TMEM117: variants seen among roughly 807,000 people sequenced by gnomAD.
TMEM117 encodes the protein transmembrane protein 117.
A neutral mutation model predicts 52.4 loss-of-function variants in TMEM117; 27 were observed. The observed-to-expected ratio is 0.51, with a 90% CI of 0.38 to 0.71. The LOEUF (loss-of-function observed/expected upper bound fraction) is 0.71, where lower values mean the gene tolerates loss of function less well. Ranked by LOEUF, TMEM117 falls within the 30% of genes least tolerant of loss-of-function variation. TMEM117 has a pLI of 0.00. For missense variants in TMEM117, 556 were observed against 630.5 expected, an observed-to-expected ratio of 0.88 and a Z score of 1.26; for synonymous variants, 215 against 206.3, an observed-to-expected ratio of 1.04 and a Z score of -0.36.
At chr12:43,990,865 A>G (rs959555721) in intron 3 of TMEM117, among the ~76,000 whole-genome samples, 5 of 152,230 alleles carry the variant, frequency 3.3e-5, no homozygotes, top group African/African-American at 1.2e-4. Context: ...TCCTTGGAAT[A>G]TATCCCTAAT....
intron 3 of TMEM117, among the ~76,000 whole-genome samples, chr12:43,973,833 A>G (rs1222350146): frequency 2.0e-5 from 3 of 152,332 alleles, no homozygotes; most frequent in Non-Finnish European, 4.4e-5. Flanking sequence ...TTCTTTGACT[A>G]TTCCTAAATC....
chr12:43,800,689 C>T, the TMEM117 span, among the ~76,000 whole-genome samples: 1 of 152,122 alleles, frequency 6.6e-6, no homozygotes, highest in African/African-American at 2.4e-5. Flanking sequence ...TACAAATAAC[C>T]GTCATTAACA....
chr12:44,126,823 A>T (rs1948333195), intron 3 of TMEM117, among the ~76,000 whole-genome samples: 1 of 152,228 alleles, frequency 6.6e-6, no homozygotes, highest in Admixed American at 6.5e-5. Context: ...TTTACCTGTT[A>T]TCTGCAGCTG....
intron 5 of TMEM117, among the ~76,000 whole-genome samples, chr12:44,273,846 A>G (rs1950479424): frequency 6.6e-6 from 1 of 152,176 alleles, no homozygotes; most frequent in Non-Finnish European, 1.5e-5. Context: ...CCATCCAAAC[A>G]GACCCAAAAC....
chr12:44,378,827 A>T (rs1313682468), intron 7 of TMEM117, among the ~76,000 whole-genome samples: 1 of 152,108 alleles, frequency 6.6e-6, no homozygotes, highest in Non-Finnish European at 1.5e-5. Context: ...GAACTTTGGG[A>T]AAGCTCCCCC....
chr12:44,264,781 T>C (rs2138549690), intron 5 of TMEM117, among the ~76,000 whole-genome samples: 1 of 152,268 alleles, frequency 6.6e-6, no homozygotes, highest in Non-Finnish European at 1.5e-5. Flanking sequence ...TGTCATCATT[T>C]ATATGGATGA....
intron 5 of TMEM117, among the ~76,000 whole-genome samples, chr12:44,288,673 T>G (rs886868340): frequency 6.6e-6 from 1 of 152,192 alleles, no homozygotes; most frequent in Admixed American, 6.5e-5. Flanking sequence ...TTTTAATTAC[T>G]TTATTCACAA....
chr12:43,814,058 C>T, the TMEM117 span, among the ~76,000 whole-genome samples: 1 of 152,100 alleles, frequency 6.6e-6, no homozygotes, highest in East Asian at 1.9e-4. Flanking sequence ...TTGAAAAGGA[C>T]ACAGACCTTT....
Position 44,021,835 on chromosome 12 carries a change from C to A in TMEM117, c.410+77493C>A, listed in dbSNP as rs140880837. 7.1e-3 allele frequency among the ~76,000 whole-genome samples: 1,074 copies of A among 152,282 alleles called. 11 individuals carry two copies. The highest frequency in any genetic ancestry group is 0.024 in the African/African-American group (997 of 41,566). ...GAGTAGTGACCACCTGCCACTGTCT[C>A]TGGAAGTACTCTTGCTGGGAGGAAC... is the stretch of plus-strand genomic sequence containing the variant. On this transcript the variant is annotated intron_variant, in intron 3 of 7. Transcript: ENST00000266534.
intron 2 of TMEM117, among the ~76,000 whole-genome samples, chr12:43,889,471 A>T (rs1450196120): frequency 6.6e-6 from 1 of 152,212 alleles, no homozygotes; most frequent in East Asian, 1.9e-4. Flanking sequence ...TAATGCTGCC[A>T]CTGATCTGAC....
chr12:43,893,455 G>A (rs1258864180), intron 2 of TMEM117, among the ~76,000 whole-genome samples: 1 of 152,146 alleles, frequency 6.6e-6, no homozygotes, highest in Non-Finnish European at 1.5e-5. Context: ...TTGAAACCAA[G>A]TTTCAGTCTT....
At chr12:44,076,265 A>G (rs1947380462) in intron 3 of TMEM117, among the ~76,000 whole-genome samples, 1 of 152,214 alleles carries the variant, frequency 6.6e-6, no homozygotes, top group South Asian at 2.1e-4. Flanking sequence ...ATTAAGAACT[A>G]TATTGTATTG....
intron 3 of TMEM117, among the ~76,000 whole-genome samples, chr12:44,043,494 A>G (rs1946833286): frequency 1.3e-5 from 2 of 152,116 alleles, no homozygotes; most frequent in South Asian, 2.1e-4. Context: ...TTTTTGCCAT[A>G]AGGAACAGCT....
intron 6 of TMEM117, among the ~76,000 whole-genome samples, chr12:44,327,714 G>A (rs113262852): frequency 3.9e-5 from 6 of 152,148 alleles, no homozygotes; most frequent in African/African-American, 1.2e-4. Context: ...ATATGAAGCA[G>A]GAGTTCTAGT....
At chr12:43,903,279 A>G (rs989270622) in intron 2 of TMEM117, among the ~76,000 whole-genome samples, 4 of 152,302 alleles carry the variant, frequency 2.6e-5, no homozygotes, top group Admixed American at 1.3e-4. Flanking sequence ...ACTAAGCACT[A>G]CTATTCACTG....
chr12:43,806,148 G>T, the TMEM117 span: 3 of 1,490,136 alleles, frequency 2.0e-6, no homozygotes, highest in Non-Finnish European at 2.7e-6. Flanking sequence ...AGCCCTGCCG[G>T]TCCTGCAGCC....
chr12:43,806,368 C>G, the TMEM117 span: 1 of 1,231,816 alleles, frequency 8.1e-7, no homozygotes, highest in Non-Finnish European at 1.0e-6. Context: ...CCCGCGGCCG[C>G]CCCGCCCCGT....
chr12:44,133,077 T>C (rs1045905490), intron 3 of TMEM117, among the ~76,000 whole-genome samples: 3 of 152,316 alleles, frequency 2.0e-5, no homozygotes, highest in Non-Finnish European at 4.4e-5. Context: ...TGCTATTGGC[T>C]TATGGTAGCA....
chr12:44,335,608 A>G (rs150522462), intron 6 of TMEM117, among the ~76,000 whole-genome samples: 1 of 152,224 alleles, frequency 6.6e-6, no homozygotes, highest in Non-Finnish European at 1.5e-5. Flanking sequence ...GTTAAAATGT[A>G]TCTAATGGTA....
Sources: gnomAD v4.1 joint callset for allele counts (sites outside exome capture counted in the v4.1 genomes callset) on GRCh38, gnomAD v4.1.1 for gene constraint, MANE v1.5 for transcripts, NCBI Gene and HGNC (gene_info 2026-07-23, HGNC 2026-07-21) for gene names.